Variants in KCNK9 observed in about 807,000 individuals in gnomAD.
KCNK9 encodes the protein potassium two pore domain channel subfamily K member 9.
A neutral mutation model predicts 10.8 loss-of-function variants in KCNK9; 1 was observed. The ratio of observed to expected loss-of-function variants is 0.09; its 90% CI spans 0.03 to 0.44. The LOEUF is 0.44. KCNK9 is among the 20% of genes least tolerant of loss of function. The pLI is 0.97. For synonymous variants in KCNK9, 231 were observed against 222.7 expected, an observed-to-expected ratio of 1.04 and a Z score of -0.33; for missense variants, 303 against 515.0, an observed-to-expected ratio of 0.59 and a Z score of 3.98.
In KCNK9 at chr8:139,636,275, C is replaced by T. The variant is rs373253317; in HGVS notation, c.284-17176G>A. On this transcript the variant is annotated intron_variant, in intron 1 of 1. Coordinates refer to ENST00000520439, the MANE Select transcript of KCNK9 (RefSeq NM_001282534.2). The stretch of plus-strand genomic sequence containing the variant: ...AGGCTAAGTACCCTGTCACAGTTCA[C>T]GCAGTTCTCAAGTGGTGACACTGAG... Among the ~76,000 whole-genome samples the T allele has an allele frequency of 3.0e-3, 459 of 152,358 alleles. 1 individual carries two copies. The highest frequency in any genetic ancestry group is 4.7e-3 in the Non-Finnish European group (323 of 68,032).
chr8:139,693,878 G>A lies in KCNK9; in HGVS notation c.283+8832C>T, dbSNP rs754718128. On this transcript the variant is annotated intron_variant, in intron 1 of 1. Coordinates refer to ENST00000520439, the MANE Select transcript of KCNK9 (RefSeq NM_001282534.2). The surrounding 1 kb of genome is among the most constrained non-coding windows in gnomAD (Gnocchi z 4.1). ...GGTCACTGCAGTGGTGGAGTGGAAG[G>A]TGGTGTCCCAGGAAGCCATAGTATC... Among the ~76,000 whole-genome samples, 12 of 152,166 alleles carry A rather than the reference G, an allele frequency of 7.9e-5. No individual in the cohort carries two copies. The highest frequency in any genetic ancestry group is 1.5e-4 in the Non-Finnish European group (10 of 68,036).
chr8:139,609,246 AC>A (rs1220786453), downstream of KCNK9, among the ~76,000 whole-genome samples: 323 of 98,070 alleles, frequency 3.3e-3, 1 homozygote, highest in African/African-American at 9.6e-3. Flanking sequence ...CTGCCCCCCC[AC>A]CCCCCCCCCA....
intron 1 of KCNK9, 145 bp from the exon 2 acceptor site, chr8:139,619,244 T>C: frequency 1.1e-6 from 1 of 883,862 alleles, no homozygotes; most frequent in Non-Finnish European, 1.7e-6. Flanking sequence ...TAGAGGGGCG[T>C]GGCCATATAT....
At chr8:139,631,286 G>A (rs992390707) in intron 1 of KCNK9, among the ~76,000 whole-genome samples, 6 of 152,220 alleles carry the variant, frequency 3.9e-5, no homozygotes, top group African/African-American at 1.4e-4. Flanking sequence ...CAGATACTGT[G>A]GGCTGGCGCT....
chr8:139,616,095 C>T (rs543637428), downstream of KCNK9: 1 of 152,198 alleles, frequency 6.6e-6, no homozygotes, highest in Non-Finnish European at 1.5e-5. Flanking sequence ...GCAAATCACC[C>T]TCTCAGTGCC....
At chr8:139,668,453 C>A (rs1816350833) in intron 1 of KCNK9, among the ~76,000 whole-genome samples, 4 of 144,920 alleles carry the variant, frequency 2.8e-5, no homozygotes, top group Admixed American at 2.1e-4. Flanking sequence ...TGGAGTTTCG[C>A]TCTTGTTGCC....
intron 1 of KCNK9, among the ~76,000 whole-genome samples, chr8:139,685,258 G>A (rs1816765002): frequency 1.3e-5 from 2 of 151,948 alleles, no homozygotes; most frequent in African/African-American, 4.8e-5. Flanking sequence ...AAACACATTA[G>A]CTATTTTATT....
chr8:139,654,000 C>T (rs892540839), intron 1 of KCNK9, among the ~76,000 whole-genome samples: 7 of 152,372 alleles, frequency 4.6e-5, no homozygotes, highest in African/African-American at 1.2e-4. Context: ...TGGGCAAGTC[C>T]GTGGCTCATG....
chr8:139,656,388 T>A (rs992468110), intron 1 of KCNK9, among the ~76,000 whole-genome samples: 1 of 152,170 alleles, frequency 6.6e-6, no homozygotes, highest in African/African-American at 2.4e-5. Flanking sequence ...GCTGTCCAGA[T>A]GCAGCAAGCT....
intron 2 of KCNK9, chr8:139,602,140 C>T (rs1430487348): frequency 6.6e-6 from 1 of 152,286 alleles, no homozygotes; most frequent in African/African-American, 2.4e-5. Context: ...TGTGCAGCTT[C>T]ACCTGTGATT....
chr8:139,626,069 T>C (rs1814962793), intron 1 of KCNK9, among the ~76,000 whole-genome samples: 1 of 152,166 alleles, frequency 6.6e-6, no homozygotes, highest in Non-Finnish European at 1.5e-5. Flanking sequence ...CTGAGCTCCA[T>C]ATTTTAATTA....
intron 1 of KCNK9, among the ~76,000 whole-genome samples, chr8:139,683,233 C>T (rs544688344): frequency 5.1e-4 from 78 of 152,104 alleles, no homozygotes; most frequent in Non-Finnish European, 8.1e-4. Context: ...CCCTGCCAGA[C>T]GAGGGTGAAG....
intron 1 of KCNK9, among the ~76,000 whole-genome samples, chr8:139,656,000 G>T (rs1308221744): frequency 6.6e-6 from 1 of 152,150 alleles, no homozygotes; most frequent in South Asian, 2.1e-4. Context: ...ATCAGACAGA[G>T]GCTAGAGGCA....
intron 1 of KCNK9, among the ~76,000 whole-genome samples, chr8:139,657,829 G>A (rs73727205): frequency 0.011 from 1,650 of 152,298 alleles, 33 homozygotes; most frequent in African/African-American, 0.037. Flanking sequence ...GGGTGGGGAG[G>A]CCTCTCCAGG....
intron 1 of KCNK9, among the ~76,000 whole-genome samples, chr8:139,662,357 C>A (rs181519078): frequency 1.3e-5 from 2 of 152,010 alleles, no homozygotes; most frequent in Non-Finnish European, 2.9e-5. Context: ...GGATGGGGGA[C>A]GAGGGGACAC....
chr8:139,648,306 T>C lies in KCNK9; in HGVS notation c.284-29207A>G, dbSNP rs149282621. Among the ~76,000 whole-genome samples the C allele has an allele frequency of 5.0e-3, 766 of 152,236 alleles. 3 individuals are homozygous for C. Among genetic ancestry groups the C allele is most frequent in the Non-Finnish European group, 8.6e-3 (584 of 68,012 alleles). On this transcript the variant is annotated intron_variant, in intron 1 of 1. Transcript: ENST00000520439. Reference sequence around the variant, plus strand: ...GTGCTACTGGGGACGGGGTATTACTTTGGAGCCGAAAATAAGATGTTGTTT... The same window carrying C: ...GTGCTACTGGGGACGGGGTATTACTCTGGAGCCGAAAATAAGATGTTGTTT...
At chr8:139,620,560 C>A (rs370387621) in intron 1 of KCNK9, among the ~76,000 whole-genome samples, 9 of 152,226 alleles carry the variant, frequency 5.9e-5, no homozygotes, top group Admixed American at 3.3e-4. Context: ...GCTCACACTT[C>A]TCCATCAGGG....
downstream of KCNK9, among the ~76,000 whole-genome samples, chr8:139,609,427 T>A (rs924297159): frequency 1.3e-5 from 2 of 152,148 alleles, no homozygotes; most frequent in Non-Finnish European, 2.9e-5. Context: ...GGGGACATAT[T>A]CTCCCAGGAA....
In KCNK9 at chr8:139,618,088, G is replaced by C; in HGVS notation, c.*170C>G. 1 of 895,170 alleles carries C rather than the reference G, an allele frequency of 1.1e-6. No individual in the cohort carries two copies. Among genetic ancestry groups the C allele is most frequent in the Non-Finnish European group, 1.7e-6 (1 of 593,382 alleles). 55.5% of individuals were successfully genotyped at this position (895,170 alleles called of 1,614,324 possible). A position where few individuals can be genotyped will look rare whatever the true frequency, so the allele number is the denominator to read the frequency against. ...ATTTCCCTTTGGCCTGCTCTGTCTG[G>C]CTGGAAAGGTGGGGGAAAATGAGAC... On this transcript the variant is annotated 3_prime_UTR_variant, in exon 2 of 2. Coordinates refer to ENST00000520439, the MANE Select transcript of KCNK9 (RefSeq NM_001282534.2). The surrounding 1 kb of genome is among the most constrained non-coding windows in gnomAD (Gnocchi z 7.9).
Sources: allele counts gnomAD v4.1 joint callset (sites outside exome capture counted in the v4.1 genomes callset), GRCh38; gene constraint gnomAD v4.1.1; non-coding constraint Gnocchi (gnomAD v3.1); transcripts MANE v1.5; gene names NCBI Gene and HGNC (gene_info 2026-07-23, HGNC 2026-07-21).